The following LPP variants were observed in gnomAD, a reference collection of about 807,000 sequenced individuals.
LPP encodes the protein lipoma-preferred partner.
A neutral mutation model predicts 60.4 loss-of-function variants in LPP; 38 were observed. The ratio of observed to expected loss-of-function variants is 0.63; its 90% CI spans 0.49 to 0.83. LPP has a LOEUF of 0.83. Among genes scored for constraint, LPP ranks in the 40% least tolerant of loss-of-function variants. The pLI, the probability that LPP is intolerant of heterozygous loss-of-function variation, is 0.00. For missense variants in LPP, 902 were observed against 783.6 expected (o/e 1.15, Z -1.80); for synonymous variants, 328 against 290.8 (o/e 1.13, Z -1.30).
At chr3:188,496,003 T>C (rs1395496060) in intron 5 of LPP, among the ~76,000 whole-genome samples, 1 of 152,192 alleles carries the variant, frequency 6.6e-6, no homozygotes, top group Non-Finnish European at 1.5e-5. Context: ...ACTTAAAATA[T>C]ATTATAGCAT....
intron 4 of LPP, among the ~76,000 whole-genome samples, chr3:188,423,068 T>G (rs914459729): frequency 6.6e-6 from 1 of 151,970 alleles, no homozygotes; most frequent in Non-Finnish European, 1.5e-5. Flanking sequence ...TCATCTACAT[T>G]AGGTATTTCT....
chr3:188,859,193 T>C (rs1471268968), intron 9 of LPP, among the ~76,000 whole-genome samples: 1 of 152,072 alleles, frequency 6.6e-6, no homozygotes, highest in South Asian at 2.1e-4. Flanking sequence ...ATATTCTTCC[T>C]GTGAAATGAA....
rs1770728398 is a variant in LPP, at chr3:188,886,761, CA to C, written c.*12283del. 4.3e-6 allele frequency: 1 copy of C among 230,226 alleles called. No homozygotes were observed. The highest frequency in any genetic ancestry group is 2.2e-5 in the African/African-American group (1 of 44,774). 14.3% of individuals were successfully genotyped at this position (230,226 alleles called of 1,614,324 possible). ...ATACACACACACACACACACACACACACACCCCTTCCAAGAAAGCTGATCCT... is the reference window on the plus strand; with the variant it reads ...ATACACACACACACACACACACACACCACCCCTTCCAAGAAAGCTGATCCT... On this transcript the variant is annotated 3_prime_UTR_variant, in exon 12 of 12. Coordinates refer to ENST00000617246, the MANE Select transcript of LPP (RefSeq NM_001375462.1).
At chr3:188,801,126 TAAACAAAGGTTCCCGGGGCTA>T (rs941003395) in intron 9 of LPP, among the ~76,000 whole-genome samples, 4 of 152,248 alleles carry the variant, frequency 2.6e-5, no homozygotes, top group African/African-American at 9.6e-5. Flanking sequence ...TGCTTGAGAT[TAAACAAAGGTTCCCGGGGCTA>T]AACGTCTAAA....
At chr3:188,671,366 A>C (rs1222119888) in intron 7 of LPP, among the ~76,000 whole-genome samples, 7 of 152,228 alleles carry the variant, frequency 4.6e-5, no homozygotes, top group Non-Finnish European at 1.0e-4. Context: ...AAGGCTATAA[A>C]AATTTAACAT....
At chr3:188,374,183 C>G (rs145537437) in intron 3 of LPP, among the ~76,000 whole-genome samples, 2 of 151,852 alleles carry the variant, frequency 1.3e-5, no homozygotes, top group African/African-American at 4.9e-5. Flanking sequence ...ATTGACTTGG[C>G]GATGCAGGCT....
chr3:188,245,654 A>AG (rs202127139), intron 2 of LPP, among the ~76,000 whole-genome samples: 2,554 of 145,156 alleles, frequency 0.018, 66 homozygotes, highest in African/African-American at 0.062. Context: ...CTAACCCCAC[A>AG]CTTTTTTTTT....
chr3:188,238,038 A>T (rs1722536946), intron 2 of LPP, among the ~76,000 whole-genome samples: 1 of 152,218 alleles, frequency 6.6e-6, no homozygotes, highest in Admixed American at 6.5e-5. Context: ...TCTTAGCTTG[A>T]TCTTCTGGAT....
intron 3 of LPP, among the ~76,000 whole-genome samples, chr3:188,392,210 A>T (rs1041037113): frequency 6.6e-6 from 1 of 152,228 alleles, no homozygotes; most frequent in Non-Finnish European, 1.5e-5. Flanking sequence ...ATGGACTGCA[A>T]CAGTTTTACT....
intron 9 of LPP, among the ~76,000 whole-genome samples, chr3:188,810,716 T>TAAA (rs1750680041): frequency 6.6e-6 from 1 of 152,082 alleles, no homozygotes; most frequent in Non-Finnish European, 1.5e-5. Flanking sequence ...GACACTACGG[T>TAAA]AGTTGGTTGT....
intron 7 of LPP, among the ~76,000 whole-genome samples, chr3:188,675,361 C>T (rs564840492): frequency 6.6e-6 from 1 of 152,298 alleles, no homozygotes; most frequent in East Asian, 1.9e-4. Flanking sequence ...AGTTGGCTTC[C>T]TTAACTGCTC....
chr3:188,791,636 CT>C (rs759725334), intron 9 of LPP, among the ~76,000 whole-genome samples: 1 of 151,842 alleles, frequency 6.6e-6, no homozygotes, highest in Non-Finnish European at 1.5e-5. Flanking sequence ...TATCCGTAGT[CT>C]TTTGTGTGTG....
chr3:188,549,571 C>T (rs1827532486), intron 6 of LPP, among the ~76,000 whole-genome samples: 1 of 152,158 alleles, frequency 6.6e-6, no homozygotes, highest in Non-Finnish European at 1.5e-5. Flanking sequence ...GCTTTATAGT[C>T]ATGCTCTGAC....
chr3:188,344,899 T>C (rs917492125), intron 3 of LPP, among the ~76,000 whole-genome samples: 1 of 152,202 alleles, frequency 6.6e-6, no homozygotes, highest in Admixed American at 6.5e-5. Context: ...TCTGGTAAAC[T>C]TCCCCCCTAT....
At chr3:188,258,316 G>T (rs1732356986) in intron 2 of LPP, among the ~76,000 whole-genome samples, 1 of 152,144 alleles carries the variant, frequency 6.6e-6, no homozygotes. Flanking sequence ...AAATCACTTG[G>T]GGAGGTTTTG....
intron 10 of LPP, among the ~76,000 whole-genome samples, chr3:188,871,125 A>G (rs557756156): frequency 6.6e-6 from 1 of 152,320 alleles, no homozygotes; most frequent in African/African-American, 2.4e-5. Flanking sequence ...CAGAATTCTT[A>G]TCTTAGAGGA....
chr3:188,716,990 A>G (rs1714271387), intron 8 of LPP, among the ~76,000 whole-genome samples: 1 of 152,198 alleles, frequency 6.6e-6, no homozygotes, highest in Non-Finnish European at 1.5e-5. Context: ...ACTTTTCTAC[A>G]TGTTATATCA....
At chr3:188,439,478 AG>A (rs1481501488) in intron 4 of LPP, among the ~76,000 whole-genome samples, 8 of 152,214 alleles carry the variant, frequency 5.3e-5, no homozygotes, top group African/African-American at 1.9e-4. Context: ...ATAATTGACC[AG>A]TTAGGTAACT....
chr3:188,377,037 G>T (rs539479521), intron 3 of LPP, among the ~76,000 whole-genome samples: 5 of 152,136 alleles, frequency 3.3e-5, no homozygotes, highest in South Asian at 2.1e-4. Context: ...ATTGGTCCCC[G>T]CTCTCTTCTG....
Sources: allele counts gnomAD v4.1 joint callset (sites outside exome capture counted in the v4.1 genomes callset), GRCh38; gene constraint gnomAD v4.1.1; transcripts MANE v1.5; gene names NCBI Gene and HGNC (gene_info 2026-07-23, HGNC 2026-07-21).